The following SPICE1 variants were observed in gnomAD, a reference collection of about 807,000 sequenced individuals.
SPICE1 encodes spindle and centriole-associated protein 1.
A neutral mutation model predicts 102.7 loss-of-function variants in SPICE1; 75 were observed. That is an observed-to-expected ratio of 0.73 (90% CI 0.61 to 0.88). The LOEUF (loss-of-function observed/expected upper bound fraction) is 0.88, where lower values mean the gene tolerates loss of function less well. SPICE1 is among the 40% of genes least tolerant of loss of function. The probability of loss-of-function intolerance (pLI) is 0.00; values close to 1 mark genes in which losing one functional copy is unlikely to be tolerated. For missense variants in SPICE1, 979 were observed against 1,020.1 expected (o/e 0.96, Z 0.55); for synonymous variants, 308 against 350.3 (o/e 0.88, Z 1.35).
intron 7 of SPICE1, among the ~76,000 whole-genome samples, chr3:113,484,724 T>G (rs1668408115): frequency 1.3e-5 from 2 of 148,148 alleles, no homozygotes; most frequent in South Asian, 2.2e-4. Flanking sequence ...CTAATTTGAT[T>G]GCACTGTGGT....
Position 113,460,551 on chromosome 3 carries a change from T to A in SPICE1, c.1435+66A>T, listed in dbSNP as rs1157788259. ...TCTATATAAGTTTAGAGATTTAAGGTTTGGTTTGTTATCTAAGGCCATTAA... is the reference window on the plus strand; with the variant it reads ...TCTATATAAGTTTAGAGATTTAAGGATTGGTTTGTTATCTAAGGCCATTAA... On this transcript the variant is annotated intron_variant, in intron 12 of 17. Transcript: ENST00000295872. The A allele has an allele frequency of 2.0e-6, 3 of 1,522,826 alleles. No homozygotes were observed. In the East Asian group the frequency reaches 6.9e-5, roughly 35 times the overall value. The allele number at this position is 1,522,826 out of a possible 1,614,324, so 94.3% of individuals were successfully genotyped here.
intron 3 of SPICE1, among the ~76,000 whole-genome samples, chr3:113,500,297 T>C (rs1936984279): frequency 6.6e-6 from 1 of 152,182 alleles, no homozygotes; most frequent in Admixed American, 6.6e-5. Flanking sequence ...CATGAACATA[T>C]ATGATAAAAT....
intron 10 of SPICE1, among the ~76,000 whole-genome samples, chr3:113,467,063 A>G (rs1476317652): frequency 2.0e-5 from 3 of 152,142 alleles, no homozygotes; most frequent in Non-Finnish European, 4.4e-5. Flanking sequence ...AAAAAAAAGC[A>G]ATTCAATTTT....
intron 10 of SPICE1, among the ~76,000 whole-genome samples, chr3:113,467,366 A>C (rs1046228278): frequency 6.6e-6 from 1 of 152,092 alleles, no homozygotes; most frequent in Non-Finnish European, 1.5e-5. Context: ...ATCTCGGCTC[A>C]CTGCAACCTC....
chr3:113,464,716 G>A (rs1192640567), intron 11 of SPICE1, among the ~76,000 whole-genome samples: 1 of 152,122 alleles, frequency 6.6e-6, no homozygotes, highest in Non-Finnish European at 1.5e-5. Flanking sequence ...AATAGACTGT[G>A]TACACTCAAG....
chr3:113,502,662 TAAA>T lies in SPICE1; in HGVS notation c.147+515_147+517del, dbSNP rs35248720. ...ATGTGAACTATATCTCAATAAATCT[TAAA>T]AAAAAAAAAAAAAAAAAAACCTAAG... On this transcript the variant is annotated intron_variant, in intron 3 of 17. Transcript: ENST00000295872. Among the ~76,000 whole-genome samples the T allele has an allele frequency of 7.3e-3, 636 of 87,264 alleles. 6 individuals carry two copies. Among genetic ancestry groups the T allele is most frequent in the African/African-American group, 0.025 (541 of 21,816 alleles). The allele number at this position is 87,264 out of a possible 152,430, so 57.2% of individuals were successfully genotyped here.
At position 113,494,025 on chromosome 3, in the gene SPICE1, G is replaced by C. The variant is rs1419618192; in HGVS notation, c.385+24C>G. ...TGTGGGCTACAGTTAATAAAATAGA[G>C]AAGCTTTTGTTTGAATTGAATACCT... On this transcript the variant is annotated intron_variant, in intron 5 of 17. Coordinates refer to ENST00000295872, the MANE Select transcript of SPICE1 (RefSeq NM_144718.4). 4.0e-6 allele frequency: 6 copies of C among 1,518,616 alleles called. No individual in the cohort carries two copies. In the South Asian group the frequency reaches 7.1e-5, roughly 18 times the overall value. The allele number at this position is 1,518,616 out of a possible 1,614,324, so 94.1% of individuals were successfully genotyped here.
intron 7 of SPICE1, among the ~76,000 whole-genome samples, chr3:113,482,072 T>C (rs971671732): frequency 1.6e-4 from 25 of 152,154 alleles, no homozygotes; most frequent in African/African-American, 5.8e-4. Context: ...CTTTCTAGCA[T>C]CTGTTATTTC....
At chr3:113,510,582 G>A (rs992976090) in intron 1 of SPICE1, among the ~76,000 whole-genome samples, 6 of 151,936 alleles carry the variant, frequency 3.9e-5, no homozygotes, top group Non-Finnish European at 7.4e-5. Context: ...AAATTGAAAC[G>A]GGACCCCTTC....
chr3:113,512,642 C>T (rs146343133), intron 1 of SPICE1, among the ~76,000 whole-genome samples: 1,889 of 152,104 alleles, frequency 0.012, 34 homozygotes, highest in African/African-American at 0.035. Context: ...CTCCTGATCT[C>T]GTGATCTACC....
At chr3:113,506,402 G>A (rs570991326) in intron 2 of SPICE1, 105 bp downstream of exon 2, 27 of 866,660 alleles carry the variant, frequency 3.1e-5, no homozygotes, top group East Asian at 2.4e-4. Flanking sequence ...ACCCTATTAC[G>A]TGATGAGCCC....
Position 113,506,624 on chromosome 3 carries a change from T to G in SPICE1, c.1-19A>C. On this transcript the variant is annotated intron_variant, in intron 1 of 17. Transcript: ENST00000295872. The stretch of plus-strand genomic sequence containing the variant: ...ATGACATCTAGGAATAATAATCACA[T>G]CAAATTTTTAAAATACAAGAAAAAA... 1 of 1,592,074 alleles carries G rather than the reference T, an allele frequency of 6.3e-7. No individual in the cohort carries two copies. The highest frequency in any genetic ancestry group is 8.6e-7 in the Non-Finnish European group (1 of 1,164,304).
chr3:113,448,701 G>C (rs1935573041), intron 15 of SPICE1: 1 of 152,102 alleles, frequency 6.6e-6, no homozygotes, highest in Non-Finnish European at 1.5e-5. Flanking sequence ...ACTAATGAAA[G>C]ACTTAATGTT....
Position 113,448,078 on chromosome 3 carries a change from ATT to A in SPICE1, c.2384_2385del (p.Lys795MetfsTer2). 6.2e-7 allele frequency: 1 copy of A among 1,612,394 alleles called. No individual in the cohort carries two copies. The highest frequency in any genetic ancestry group is 2.2e-5 in the East Asian group (1 of 44,834). On this transcript the variant is annotated frameshift_variant, in exon 16 of 18. Coordinates refer to ENST00000295872, the MANE Select transcript of SPICE1 (RefSeq NM_144718.4). LOFTEE classifies it high-confidence loss of function. ...CCGCTGACGGGAGAGACAGTACTAC[ATT>A]TTGAGCTTTCTGGGGCTTCTGCTCC... ...IPGAEAPESS[K>X]CSTVSPVSGI...
chr3:113,497,959 C>T (rs1437397826), intron 4 of SPICE1, among the ~76,000 whole-genome samples: 1 of 151,718 alleles, frequency 6.6e-6, no homozygotes, highest in Non-Finnish European at 1.5e-5. Context: ...TCACTGCAAC[C>T]TCCGCCTCCC....
chr3:113,504,947 T>C (rs1937079373), intron 2 of SPICE1, among the ~76,000 whole-genome samples: 1 of 152,196 alleles, frequency 6.6e-6, no homozygotes, highest in Non-Finnish European at 1.5e-5. Flanking sequence ...GCACTGCAGA[T>C]AAAATGAGGA....
chr3:113,457,445 T>C, intron 12 of SPICE1, 88 bp from the exon 13 acceptor site: 2 of 1,332,170 alleles, frequency 1.5e-6, no homozygotes, highest in South Asian at 1.3e-5. Flanking sequence ...TGCATCTCAG[T>C]AGAGTGCAAA....
chr3:113,494,831 C>T (rs1936847239), intron 4 of SPICE1, among the ~76,000 whole-genome samples: 1 of 152,138 alleles, frequency 6.6e-6, no homozygotes, highest in South Asian at 2.1e-4. Flanking sequence ...GGCAGCAACT[C>T]ACTTCACAAT....
rs574343371 is a variant in SPICE1 at position 113,467,130 on chromosome 3, A to G, written c.1155+1009T>C. Among the ~76,000 whole-genome samples the G allele has an allele frequency of 4.7e-4, 72 of 152,348 alleles. No individual in the cohort carries two copies. The South Asian group carries it at 0.015, about 31-fold the overall frequency. ...TGTATTAAGGTGGTAAATCTATCTT[A>G]TTAAATAATAAAGTTTCCTTAAACA... On this transcript the variant is annotated intron_variant, in intron 10 of 17. Transcript: ENST00000295872.
Sources: gnomAD v4.1 joint callset for allele counts (sites outside exome capture counted in the v4.1 genomes callset) on GRCh38, gnomAD v4.1.1 for gene constraint, MANE v1.5 for transcripts, NCBI Gene and HGNC (gene_info 2026-07-23, HGNC 2026-07-21) for gene names.